DMXL2: variants seen among roughly 807,000 people sequenced by gnomAD.
The protein encoded by DMXL2 is dmX-like protein 2.
Under a neutral mutation model 331.1 loss-of-function variants are expected in DMXL2, and 103 were observed. The ratio of observed to expected loss-of-function variants is 0.31; its 90% CI spans 0.27 to 0.37. DMXL2 has a LOEUF of 0.37. Ranked by LOEUF, DMXL2 falls within the 10% of genes least tolerant of loss-of-function variation. The pLI is 1.00. For synonymous variants in DMXL2, 1,281 were observed against 1,252.1 expected, an observed-to-expected ratio of 1.02 and a Z score of -0.49; for missense variants, 3,171 against 3,642.9, an observed-to-expected ratio of 0.87 and a Z score of 3.33.
In DMXL2 at chr15:51,598,978, G is replaced by A. The variant is rs973237949; in HGVS notation, c.88-22797C>T. Among the ~76,000 whole-genome samples, 12 of 152,096 alleles carry A rather than the reference G, an allele frequency of 7.9e-5. No homozygotes were observed. In the South Asian group the frequency reaches 1.0e-3, roughly 13 times the overall value. ...CAAATGGCAATTTTCTAATTCCATCGTTGCATCATTTGTCAGTTTCCCTCT... is the reference window on the plus strand; with the variant it reads ...CAAATGGCAATTTTCTAATTCCATCATTGCATCATTTGTCAGTTTCCCTCT... On this transcript the variant is annotated intron_variant, in intron 1 of 43. Coordinates refer to ENST00000560891, the MANE Select transcript of DMXL2 (RefSeq NM_001378457.1).
At chr15:51,602,774 G>A (rs759318163) in intron 1 of DMXL2, among the ~76,000 whole-genome samples, 5 of 152,166 alleles carry the variant, frequency 3.3e-5, no homozygotes, top group Admixed American at 6.5e-5. Context: ...ACAGAAGGTT[G>A]GTCAAACCTT....
At chr15:51,579,895 T>C (rs2051291725) in intron 1 of DMXL2, among the ~76,000 whole-genome samples, 2 of 152,184 alleles carry the variant, frequency 1.3e-5, no homozygotes, top group Non-Finnish European at 2.9e-5. Context: ...AAATTATCAT[T>C]ATCTTCACAG....
At chr15:51,512,110 C>T (rs2046791682) in intron 15 of DMXL2, among the ~76,000 whole-genome samples, 1 of 152,054 alleles carries the variant, frequency 6.6e-6, no homozygotes, top group Non-Finnish European at 1.5e-5. Context: ...TTGATAGGTG[C>T]AGCAAACCAC....
At chr15:51,600,296 A>G (rs1655120839) in intron 1 of DMXL2, among the ~76,000 whole-genome samples, 1 of 152,174 alleles carries the variant, frequency 6.6e-6, no homozygotes, top group South Asian at 2.1e-4. Flanking sequence ...TAGGAGAGCT[A>G]GGTAGAATCT....
At chr15:51,453,967 A>G (rs1279422468) in intron 40 of DMXL2, 1 of 208,172 alleles carries the variant, frequency 4.8e-6, no homozygotes, top group Non-Finnish European at 9.5e-6. Context: ...TCTCAAATAC[A>G]TGTAATAAAC....
chr15:51,610,806 A>T (rs1226780895), intron 1 of DMXL2, among the ~76,000 whole-genome samples: 3 of 152,026 alleles, frequency 2.0e-5, no homozygotes, highest in Non-Finnish European at 4.4e-5. Flanking sequence ...ACCAACTGAA[A>T]TTTCAATAAA....
intron 13 of DMXL2, 65 bp from the exon 14 acceptor site, chr15:51,517,232 G>A (rs2047087045): frequency 8.1e-7 from 1 of 1,236,186 alleles, no homozygotes; most frequent in Non-Finnish European, 1.2e-6. Context: ...ATATGATACA[G>A]CATCTTGGAC....
At chr15:51,456,621 T>C (rs2039644960) in intron 37 of DMXL2, among the ~76,000 whole-genome samples, 1 of 152,124 alleles carries the variant, frequency 6.6e-6, no homozygotes, top group African/African-American at 2.4e-5. Flanking sequence ...GAACTCTTCT[T>C]CAAGTGCCCC....
chr15:51,596,557 A>C (rs1173836812), intron 1 of DMXL2, among the ~76,000 whole-genome samples: 11 of 152,310 alleles, frequency 7.2e-5, no homozygotes, highest in African/African-American at 2.4e-4. Context: ...TTGACCCAGC[A>C]ATCCCATTAC....
At chr15:51,460,777 G>GT (rs1419379909) in intron 33 of DMXL2, among the ~76,000 whole-genome samples, 8 of 151,942 alleles carry the variant, frequency 5.3e-5, no homozygotes, top group Non-Finnish European at 1.2e-4. Context: ...CTAACGACGA[G>GT]TTTTTATTTT....
chr15:51,596,355 T>G (rs893057015), intron 1 of DMXL2, among the ~76,000 whole-genome samples: 1 of 152,114 alleles, frequency 6.6e-6, no homozygotes, highest in Non-Finnish European at 1.5e-5. Context: ...GAAATGCAGA[T>G]CAAAACCACA....
At chr15:51,451,058 T>C (rs16964354) in intron 42 of DMXL2, among the ~76,000 whole-genome samples, 2,210 of 152,338 alleles carry the variant, frequency 0.015, 57 homozygotes, top group African/African-American at 0.051. Flanking sequence ...TTGGCAAGTA[T>C]TGTCTTAAAA....
intron 1 of DMXL2, among the ~76,000 whole-genome samples, chr15:51,621,142 T>C (rs928832760): frequency 1.3e-5 from 2 of 152,206 alleles, no homozygotes; most frequent in Admixed American, 6.5e-5. Context: ...CTCAGCTCTA[T>C]ATGAATATTT....
At chr15:51,557,954 T>A (rs896846246) in intron 6 of DMXL2, among the ~76,000 whole-genome samples, 14 of 152,248 alleles carry the variant, frequency 9.2e-5, no homozygotes, top group Middle Eastern at 3.2e-3. Context: ...TGAGGTCCTC[T>A]GACCCAAAGG....
intron 2 of DMXL2, among the ~76,000 whole-genome samples, chr15:51,571,224 G>A (rs559844201): frequency 2.7e-4 from 41 of 152,170 alleles, no homozygotes; most frequent in South Asian, 1.2e-3. Context: ...TCAATTCAAC[G>A]AGAAGAGCTA....
At chr15:51,604,545 T>C (rs974595407) in intron 1 of DMXL2, among the ~76,000 whole-genome samples, 2 of 152,176 alleles carry the variant, frequency 1.3e-5, no homozygotes, top group Non-Finnish European at 2.9e-5. Flanking sequence ...AATTAAATAC[T>C]TCTAACAAAA....
chr15:51,469,629 T>C (rs936064089), intron 29 of DMXL2, among the ~76,000 whole-genome samples: 1 of 152,182 alleles, frequency 6.6e-6, no homozygotes, highest in Non-Finnish European at 1.5e-5. Context: ...TTTCAGAACA[T>C]ATATCAGGAG....
In DMXL2 at chr15:51,450,120, C is replaced by T. The variant is rs182672196; in HGVS notation, c.8967+9G>A. On this transcript the variant is annotated intron_variant, in intron 43 of 43. Coordinates refer to ENST00000560891, the MANE Select transcript of DMXL2 (RefSeq NM_001378457.1). ...CTTTAGCACATTCCAACCTCTTGTACTGACTCACCTTTATGTTACCTTCTG... is the reference window on the plus strand; with the variant it reads ...CTTTAGCACATTCCAACCTCTTGTATTGACTCACCTTTATGTTACCTTCTG... 1.9e-6 allele frequency: 3 copies of T among 1,612,734 alleles called. No homozygotes were observed. Among genetic ancestry groups the T allele is most frequent in the Non-Finnish European group, 2.5e-6 (3 of 1,179,130 alleles).
chr15:51,471,575 G>A (rs1031509274), intron 28 of DMXL2, among the ~76,000 whole-genome samples, 174 bp from the exon 29 acceptor site: 1 of 152,182 alleles, frequency 6.6e-6, no homozygotes, highest in African/African-American at 2.4e-5. Flanking sequence ...AGTCATGGCA[G>A]AGATACAGAT....
Sources: gnomAD v4.1 joint callset for allele counts (sites outside exome capture counted in the v4.1 genomes callset) on GRCh38, gnomAD v4.1.1 for gene constraint, MANE v1.5 for transcripts, NCBI Gene and HGNC (gene_info 2026-07-23, HGNC 2026-07-21) for gene names.